Variants in UBE2V2 observed in about 807,000 individuals in gnomAD.
The protein encoded by UBE2V2 is ubiquitin-conjugating enzyme E2 variant 2.
A neutral mutation model predicts 17.2 loss-of-function variants in UBE2V2; 9 were observed. The ratio of observed to expected loss-of-function variants is 0.52; its 90% CI spans 0.32 to 0.91. The LOEUF is 0.91. UBE2V2 is among the 40% of genes least tolerant of loss of function. UBE2V2 has a pLI of 0.04. For missense variants in UBE2V2, 133 were observed against 182.6 expected (o/e 0.73, Z 1.56); for synonymous variants, 61 against 57.5 (o/e 1.06, Z -0.28).
At chr8:48,021,922 C>T (rs1343781027) in intron 1 of UBE2V2, among the ~76,000 whole-genome samples, 3 of 151,570 alleles carry the variant, frequency 2.0e-5, no homozygotes, top group Non-Finnish European at 2.9e-5. Context: ...TCAGATGATC[C>T]ACCTGCCTCA....
intron 3 of UBE2V2, among the ~76,000 whole-genome samples, chr8:48,060,164 C>T (rs546234414): frequency 4.4e-4 from 62 of 141,136 alleles, no homozygotes; most frequent in Non-Finnish European, 6.9e-4. Flanking sequence ...GAGCCAGGAT[C>T]GCACCACTGT....
chr8:48,006,651 A>C (rs548676055), upstream of UBE2V2, among the ~76,000 whole-genome samples: 8 of 152,264 alleles, frequency 5.3e-5, no homozygotes, highest in African/African-American at 1.9e-4. Flanking sequence ...CAAATCAATA[A>C]ATGTAATCCA....
In UBE2V2 at chr8:48,010,238, AT is replaced by A. The variant is rs750999592; in HGVS notation, c.16+1784del. 5.7e-3 allele frequency among the ~76,000 whole-genome samples: 793 copies of A among 139,374 alleles called. 3 individuals carry two copies. Among genetic ancestry groups the A allele is most frequent in the African/African-American group, 0.014 (542 of 38,076 alleles). 91.4% of individuals were successfully genotyped at this position (139,374 alleles called of 152,430 possible). ...AGCATATTGTACATAGGGAGTCTGT[AT>A]TTTTTTTTTTTTTTTGAGATGGAGT... On this transcript the variant is annotated intron_variant, in intron 1 of 3. Transcript: ENST00000523111.
chr8:48,011,486 G>A (rs1260774440), intron 1 of UBE2V2, among the ~76,000 whole-genome samples: 2 of 152,110 alleles, frequency 1.3e-5, no homozygotes, highest in East Asian at 1.9e-4. Flanking sequence ...TCTAATACAC[G>A]TGTTTTTTAT....
At chr8:48,004,520 T>G (rs10111684), upstream of UBE2V2, among the ~76,000 whole-genome samples, 1,197 of 150,840 alleles carry the variant, frequency 7.9e-3, 17 homozygotes, top group African/African-American at 0.025. Flanking sequence ...CTGTTTTTTT[T>G]TTTTGTTTTG....
At chr8:48,051,298 A>G (rs376813148) in intron 3 of UBE2V2, among the ~76,000 whole-genome samples, 4 of 152,212 alleles carry the variant, frequency 2.6e-5, no homozygotes, top group Non-Finnish European at 5.9e-5. Context: ...AGCACGCCAC[A>G]TACAAAATAC....
At position 48,054,547 on chromosome 8, in the gene UBE2V2, C is replaced by T. The variant is rs113440580; in HGVS notation, c.291+4569C>T. ...GGACATCTGTTTTTCTCTTCATTTA[C>T]ATCTAAGAGTTTGGATTATTACTTT... On this transcript the variant is annotated intron_variant, in intron 3 of 3. Coordinates refer to ENST00000523111, the MANE Select transcript of UBE2V2 (RefSeq NM_003350.3). 5.3e-3 allele frequency among the ~76,000 whole-genome samples: 804 copies of T among 152,268 alleles called. 4 individuals are homozygous for T. The highest frequency in any genetic ancestry group is 8.9e-3 in the Non-Finnish European group (608 of 68,020).
chr8:48,037,501 AAAAG>A (rs1227216748), intron 1 of UBE2V2, among the ~76,000 whole-genome samples: 5 of 152,230 alleles, frequency 3.3e-5, no homozygotes, highest in African/African-American at 9.6e-5. Flanking sequence ...GCAAAGTATA[AAAAG>A]AAAGCACTTT....
chr8:48,019,337 C>T (rs2091289526), intron 1 of UBE2V2, among the ~76,000 whole-genome samples: 1 of 152,068 alleles, frequency 6.6e-6, no homozygotes, highest in Admixed American at 6.6e-5. Context: ...GCACTCCAGC[C>T]TGGGTGACAG....
At chr8:48,002,437 G>C in the UBE2V2 span, among the ~76,000 whole-genome samples, 1 of 152,186 alleles carries the variant, frequency 6.6e-6, no homozygotes, top group African/African-American at 2.4e-5. Flanking sequence ...GGCACAGAAA[G>C]ATAAATATTA....
chr8:48,021,194 C>G (rs554294056), intron 1 of UBE2V2, among the ~76,000 whole-genome samples: 2 of 151,618 alleles, frequency 1.3e-5, no homozygotes, highest in African/African-American at 4.8e-5. Flanking sequence ...TCTCCTGTCT[C>G]AGCCTCCTTA....
rs1345196394 is a variant in UBE2V2, at chr8:48,064,215, TATC to T, written c.*3390_*3392del. 1.3e-5 allele frequency: 2 copies of T among 152,240 alleles called. No individual in the cohort carries two copies. The highest frequency in any genetic ancestry group is 6.5e-5 in the Admixed American group (1 of 15,280). 9.4% of individuals were successfully genotyped at this position (152,240 alleles called of 1,614,324 possible). Reference sequence around the variant, plus strand: ...GCTTTTTAGGCATCTGTATGTGTAATATCATAGTATCATTTATTGCTGGGATGG... The same window carrying T: ...GCTTTTTAGGCATCTGTATGTGTAATATAGTATCATTTATTGCTGGGATGG... On this transcript the variant is annotated 3_prime_UTR_variant, in exon 4 of 4. Coordinates refer to ENST00000523111, the MANE Select transcript of UBE2V2 (RefSeq NM_003350.3).
upstream of UBE2V2, chr8:48,008,272 G>C: frequency 1.6e-6 from 1 of 632,828 alleles, no homozygotes; most frequent in East Asian, 3.7e-5. Context: ...ATTCACAAGG[G>C]AATTGCGGAA....
intron 1 of UBE2V2, among the ~76,000 whole-genome samples, chr8:48,036,514 A>G (rs1401796871): frequency 6.6e-6 from 1 of 151,668 alleles, no homozygotes. Flanking sequence ...GCTCACTGCA[A>G]CCTCTGCCAC....
At chr8:48,016,742 A>ATTT (rs1280730500) in intron 1 of UBE2V2, among the ~76,000 whole-genome samples, 79 of 149,328 alleles carry the variant, frequency 5.3e-4, no homozygotes, top group African/African-American at 1.8e-3. Context: ...TTGGCCTCCC[A>ATTT]AGGTACTGGG....
chr8:48,002,788 C>G, the UBE2V2 span, among the ~76,000 whole-genome samples: 2 of 152,106 alleles, frequency 1.3e-5, no homozygotes, highest in African/African-American at 4.8e-5. Flanking sequence ...TGTATTCTTG[C>G]AAATGGCTGA....
At chr8:48,005,293 T>C (rs571495732), upstream of UBE2V2, among the ~76,000 whole-genome samples, 1 of 152,230 alleles carries the variant, frequency 6.6e-6, no homozygotes, top group African/African-American at 2.4e-5. Flanking sequence ...CTTGTGATAG[T>C]TTGCTGAGAA....
chr8:48,010,505 G>T (rs182576837), intron 1 of UBE2V2, among the ~76,000 whole-genome samples: 1 of 148,062 alleles, frequency 6.8e-6, no homozygotes, highest in Non-Finnish European at 1.5e-5. Context: ...GGGCTCAAGC[G>T]ATTCTCCTGC....
chr8:48,011,975 T>C (rs2091235069), intron 1 of UBE2V2, among the ~76,000 whole-genome samples: 1 of 152,154 alleles, frequency 6.6e-6, no homozygotes, highest in Admixed American at 6.5e-5. Flanking sequence ...CAGAAACATT[T>C]TTGGCCATCC....
Sources: gnomAD v4.1 joint callset for allele counts (sites outside exome capture counted in the v4.1 genomes callset) on GRCh38, gnomAD v4.1.1 for gene constraint, MANE v1.5 for transcripts, NCBI Gene and HGNC (gene_info 2026-07-23, HGNC 2026-07-21) for gene names.